Variants in EGFLAM observed in about 807,000 individuals in gnomAD.
EGFLAM encodes EGF like, fibronectin type III and laminin G domains.
In EGFLAM, 79 loss-of-function variants were observed where a neutral mutation model predicts 113.1. The ratio of observed to expected loss-of-function variants is 0.70; its 90% CI spans 0.58 to 0.84. EGFLAM has a LOEUF of 0.84. Among genes scored for constraint, EGFLAM ranks in the 40% least tolerant of loss-of-function variants. The pLI is 0.00. For synonymous variants in EGFLAM, 504 were observed against 487.6 expected (o/e 1.03, Z -0.44); for missense variants, 1,265 against 1,291.6 (o/e 0.98, Z 0.32).
chr5:38,297,387 C>T (rs1440264775), intron 1 of EGFLAM, among the ~76,000 whole-genome samples: 5 of 152,084 alleles, frequency 3.3e-5, no homozygotes, highest in Non-Finnish European at 7.4e-5. Context: ...ATCTTTGGGC[C>T]AAATAAAGGC....
chr5:38,331,675 A>G (rs1400899659), intron 1 of EGFLAM, among the ~76,000 whole-genome samples: 3 of 152,092 alleles, frequency 2.0e-5, no homozygotes, highest in African/African-American at 4.8e-5. Context: ...CTTTAAGACT[A>G]TGTTAGAATA....
Position 38,352,260 on chromosome 5 carries a change from GGC to G in EGFLAM, c.475_476del (p.Ala159ProfsTer9). The G allele has an allele frequency of 6.2e-7, 1 of 1,614,076 alleles. No homozygotes were observed. Among genetic ancestry groups the G allele is most frequent in the Non-Finnish European group, 8.5e-7 (1 of 1,180,016 alleles). ...TCATTGTGGTTTCGGATTCTGAGGT[GGC>G]CCTGTCTTGGAAACCTGGAGCGAGT... ...HVIVVSDSEV[A>X]LSWKPGASEG... On this transcript the variant is annotated frameshift_variant, in exon 5 of 22. Coordinates refer to ENST00000322350, the MANE Select transcript of EGFLAM (RefSeq NM_152403.4). LOFTEE classifies it high-confidence loss of function.
At chr5:38,298,193 T>G (rs1294804415) in intron 1 of EGFLAM, among the ~76,000 whole-genome samples, 1 of 152,228 alleles carries the variant, frequency 6.6e-6, no homozygotes, top group Admixed American at 6.5e-5. Context: ...GCAATGAGTC[T>G]TTCTTTGACG....
Position 38,332,392 on chromosome 5 carries a change from G to A in EGFLAM, c.98-5128G>A, listed in dbSNP as rs953680871. On this transcript the variant is annotated intron_variant, in intron 1 of 21. Transcript: ENST00000322350. Reference sequence around the variant, plus strand: ...TATTATTACCTGACCCAGGTATTAAGCCCAGTACCCAGAAAAGTTATATTT... The same window carrying A: ...TATTATTACCTGACCCAGGTATTAAACCCAGTACCCAGAAAAGTTATATTT... Among the ~76,000 whole-genome samples the A allele has an allele frequency of 1.1e-4, 17 of 152,138 alleles. No homozygotes were observed. The South Asian group carries it at 3.1e-3, about 28-fold the overall frequency.
chr5:38,413,006 G>T (rs1741533089), intron 11 of EGFLAM, among the ~76,000 whole-genome samples: 1 of 151,944 alleles, frequency 6.6e-6, no homozygotes, highest in Non-Finnish European at 1.5e-5. Flanking sequence ...GCCCATATTA[G>T]AAAAATAGAA....
At chr5:38,323,550 A>AT (rs1459507097) in intron 1 of EGFLAM, among the ~76,000 whole-genome samples, 1 of 152,088 alleles carries the variant, frequency 6.6e-6, no homozygotes, top group East Asian at 1.9e-4. Flanking sequence ...TATGTACCAT[A>AT]TTTTTCCATC....
intron 15 of EGFLAM, 53 bp downstream of exon 15, chr5:38,431,341 T>C: frequency 1.3e-6 from 2 of 1,555,090 alleles, no homozygotes; most frequent in Non-Finnish European, 8.8e-7. Context: ...AGATTACTGT[T>C]TTCTGCCTGT....
intron 10 of EGFLAM, among the ~76,000 whole-genome samples, chr5:38,412,092 G>A (rs757579463): frequency 1.3e-5 from 2 of 152,192 alleles, no homozygotes; most frequent in Non-Finnish European, 2.9e-5. Context: ...AACTCACCAT[G>A]CCTGGCCTAA....
intron 15 of EGFLAM, among the ~76,000 whole-genome samples, chr5:38,432,364 A>C (rs1419343562): frequency 6.6e-6 from 1 of 152,096 alleles, no homozygotes; most frequent in Non-Finnish European, 1.5e-5. Context: ...CAGTGGTGGG[A>C]GGACGAATTG....
At chr5:38,348,060 G>A (rs1420863799) in intron 3 of EGFLAM, among the ~76,000 whole-genome samples, 1 of 151,810 alleles carries the variant, frequency 6.6e-6, no homozygotes, top group Non-Finnish European at 1.5e-5. Flanking sequence ...GAGAGAGAGA[G>A]AGAGAGAGAG....
intron 11 of EGFLAM, among the ~76,000 whole-genome samples, chr5:38,416,056 GT>G (rs57387334): frequency 0.15 from 22,984 of 150,786 alleles, 1,834 homozygotes; most frequent in East Asian, 0.24. Context: ...ATATCATCAT[GT>G]TTTTTTTTTA....
intron 13 of EGFLAM, 92 bp from the exon 14 acceptor site, chr5:38,426,917 C>CTGTACCCAGGAGGGAA: frequency 6.5e-7 from 1 of 1,542,280 alleles, no homozygotes; most frequent in Non-Finnish European, 8.7e-7. Context: ...TAGTTTAGGT[C>CTGTACCCAGGAGGGAA]TGTACCCAGG....
chr5:38,432,804 A>G (rs1156550988), intron 15 of EGFLAM, among the ~76,000 whole-genome samples: 1 of 152,250 alleles, frequency 6.6e-6, no homozygotes, highest in Non-Finnish European at 1.5e-5. Context: ...AGTATTTACT[A>G]TTAGGATCTA....
intron 1 of EGFLAM, among the ~76,000 whole-genome samples, chr5:38,333,828 G>A (rs577671517): frequency 1.4e-5 from 2 of 146,776 alleles, no homozygotes; most frequent in South Asian, 4.3e-4. Flanking sequence ...GTCAATTTTT[G>A]CTTTTGTTGT....
intron 17 of EGFLAM, among the ~76,000 whole-genome samples, chr5:38,440,935 AG>A (rs1417763090): frequency 6.6e-6 from 1 of 152,190 alleles, no homozygotes; most frequent in Non-Finnish European, 1.5e-5. Context: ...CAAGGGCCGT[AG>A]TTGGACAATT....
chr5:38,279,291 A>G (rs1286977011), intron 1 of EGFLAM, among the ~76,000 whole-genome samples: 1 of 152,222 alleles, frequency 6.6e-6, no homozygotes, highest in Non-Finnish European at 1.5e-5. Flanking sequence ...TAGTATAGCC[A>G]TTATGGAAAG....
chr5:38,443,729 G>A (rs915100996), intron 17 of EGFLAM, among the ~76,000 whole-genome samples: 1 of 151,768 alleles, frequency 6.6e-6, no homozygotes, highest in African/African-American at 2.4e-5. Context: ...CTTTGCTAAG[G>A]TCCCGTGAAC....
intron 13 of EGFLAM, among the ~76,000 whole-genome samples, chr5:38,425,842 A>T (rs918307644): frequency 6.6e-6 from 1 of 152,208 alleles, no homozygotes; most frequent in Non-Finnish European, 1.5e-5. Flanking sequence ...GATTGGGAAG[A>T]TGAGGCCAGG....
Position 38,410,727 on chromosome 5 carries a change from A to G in EGFLAM, c.1349+1623A>G, listed in dbSNP as rs1741451888. 2.6e-5 allele frequency among the ~76,000 whole-genome samples: 4 copies of G among 152,202 alleles called. No homozygotes were observed. The South Asian group carries it at 8.3e-4, about 32-fold the overall frequency. ...ACAAGAATAATGCAGCCATCTGAGGACACCCCTCCTCTGTCTCACCTCACT... is the reference window on the plus strand; with the variant it reads ...ACAAGAATAATGCAGCCATCTGAGGGCACCCCTCCTCTGTCTCACCTCACT... On this transcript the variant is annotated intron_variant, in intron 10 of 21. Coordinates refer to ENST00000322350, the MANE Select transcript of EGFLAM (RefSeq NM_152403.4).
Sources: gnomAD v4.1 joint callset for allele counts (sites outside exome capture counted in the v4.1 genomes callset) on GRCh38, gnomAD v4.1.1 for gene constraint, MANE v1.5 for transcripts, NCBI Gene and HGNC (gene_info 2026-07-23, HGNC 2026-07-21) for gene names.